The following NAT1 variants were observed in gnomAD, a reference collection of about 807,000 sequenced individuals.
NAT1 encodes N-acetyltransferase 1, also known as arylamine N-acetyltransferase 1.
For missense variants in NAT1, 400 were observed against 339.2 expected, an observed-to-expected ratio of 1.18 and a Z score of -1.41; for synonymous variants, 144 against 122.6, an observed-to-expected ratio of 1.17 and a Z score of -1.16.
Position 18,222,946 on chromosome 8 carries a change from A to G in NAT1, c.*26A>G. On this transcript the variant is annotated 3_prime_UTR_variant, in exon 3 of 3. Transcript: ENST00000307719. ...AATAAGGAGTAAAACAATCTTGTCT[A>G]TTTGTCATCCAGCTCACCAGTTATC... The G allele has an allele frequency of 6.6e-7, 1 of 1,512,750 alleles. No homozygotes were observed. The highest frequency in any genetic ancestry group is 8.8e-7 in the Non-Finnish European group (1 of 1,135,648). The allele number at this position is 1,512,750 out of a possible 1,614,324, so 93.7% of individuals were successfully genotyped here.
intron 2 of NAT1, among the ~76,000 whole-genome samples, chr8:18,184,866 A>G (rs1802670483): frequency 6.6e-6 from 1 of 152,018 alleles, no homozygotes; most frequent in Non-Finnish European, 1.5e-5. Flanking sequence ...GCGTGCACTC[A>G]TTTTTCTAAT....
upstream of NAT1, among the ~76,000 whole-genome samples, chr8:18,206,945 C>G (rs191212944): frequency 4.6e-5 from 7 of 152,110 alleles, no homozygotes; most frequent in East Asian, 1.4e-3. Flanking sequence ...AAATCTTTGC[C>G]CATGTCTATT....
intron 2 of NAT1, among the ~76,000 whole-genome samples, chr8:18,221,124 C>G (rs1486806638): frequency 1.3e-5 from 2 of 152,144 alleles, no homozygotes; most frequent in African/African-American, 4.8e-5. Flanking sequence ...TCTCAGTCCA[C>G]TCTCCTTCTT....
intron 2 of NAT1, among the ~76,000 whole-genome samples, chr8:18,192,421 A>G (rs1212760432): frequency 6.6e-6 from 1 of 152,216 alleles, no homozygotes; most frequent in Non-Finnish European, 1.5e-5. Context: ...CCATTGTGGA[A>G]GTCAGTGTGG....
At chr8:18,209,645 G>A (rs1413294902), upstream of NAT1, 2 of 152,216 alleles carry the variant, frequency 1.3e-5, no homozygotes, top group Admixed American at 6.5e-5. Flanking sequence ...CAGGTAGAGA[G>A]GCCAGTGGGA....
intron 2 of NAT1, among the ~76,000 whole-genome samples, chr8:18,192,414 T>C (rs2117261445): frequency 6.6e-6 from 1 of 152,326 alleles, no homozygotes; most frequent in Non-Finnish European, 1.5e-5. Context: ...AGTTCAACCA[T>C]TGTGGAAGTC....
chr8:18,214,440 C>T (rs1189040285), intron 1 of NAT1, among the ~76,000 whole-genome samples: 1 of 152,196 alleles, frequency 6.6e-6, no homozygotes, highest in Non-Finnish European at 1.5e-5. Flanking sequence ...TTTGAAGATA[C>T]ACTTCTATTA....
At chr8:18,218,661 C>T (rs1000873219) in intron 1 of NAT1, among the ~76,000 whole-genome samples, 7 of 152,128 alleles carry the variant, frequency 4.6e-5, no homozygotes, top group African/African-American at 1.4e-4. Context: ...TTTAACAGCT[C>T]ACTAGGAGTT....
chr8:18,190,643 AATAGC>A (rs1802944450), intron 2 of NAT1, among the ~76,000 whole-genome samples: 2 of 152,216 alleles, frequency 1.3e-5, no homozygotes, highest in South Asian at 4.1e-4. Flanking sequence ...CCACTGCTGA[AATAGC>A]ATGTGGAGCA....
upstream of NAT1, among the ~76,000 whole-genome samples, chr8:18,209,414 T>C (rs1803881728): frequency 1.3e-5 from 2 of 152,260 alleles, no homozygotes; most frequent in African/African-American, 4.8e-5. Flanking sequence ...ACAATGTATG[T>C]ATGTATAAGA....
chr8:18,208,869 C>A (rs570508060), upstream of NAT1, among the ~76,000 whole-genome samples: 5 of 152,366 alleles, frequency 3.3e-5, no homozygotes, highest in South Asian at 6.2e-4. Flanking sequence ...GTCCACTTCA[C>A]AACCACCTAA....
intron 2 of NAT1, among the ~76,000 whole-genome samples, chr8:18,204,302 A>G (rs1803614352): frequency 6.6e-6 from 1 of 152,188 alleles, no homozygotes; most frequent in Non-Finnish European, 1.5e-5. Flanking sequence ...GCCAGGGTAT[A>G]TACCCCAGAG....
intron 2 of NAT1, among the ~76,000 whole-genome samples, chr8:18,199,925 T>A (rs1803392952): frequency 6.6e-6 from 1 of 152,148 alleles, no homozygotes; most frequent in South Asian, 2.1e-4. Flanking sequence ...ATGCTCAACA[T>A]CACTAATCAG....
chr8:18,203,098 C>T (rs1803548225), intron 2 of NAT1, among the ~76,000 whole-genome samples: 1 of 152,166 alleles, frequency 6.6e-6, no homozygotes, highest in East Asian at 1.9e-4. Flanking sequence ...GTCCTCACTC[C>T]ACCCAGGATG....
chr8:18,185,146 G>T (rs1186356429), intron 2 of NAT1, among the ~76,000 whole-genome samples: 3 of 152,140 alleles, frequency 2.0e-5, no homozygotes, highest in Admixed American at 1.3e-4. Context: ...TCCGTATCAA[G>T]TTTGTGTACC....
At chr8:18,176,562 G>C (rs1322584109) in intron 2 of NAT1, among the ~76,000 whole-genome samples, 1 of 150,588 alleles carries the variant, frequency 6.6e-6, no homozygotes, top group Non-Finnish European at 1.5e-5. Flanking sequence ...ATTGGTTGAG[G>C]CGTCTGTTTT....
At chr8:18,198,580 G>A (rs1803331869) in intron 2 of NAT1, among the ~76,000 whole-genome samples, 1 of 152,206 alleles carries the variant, frequency 6.6e-6, no homozygotes, top group Admixed American at 6.5e-5. Flanking sequence ...TCATTGCAAA[G>A]TTTTAAACTG....
intron 1 of NAT1, among the ~76,000 whole-genome samples, chr8:18,210,895 C>T (rs1208886384): frequency 1.3e-5 from 2 of 152,200 alleles, no homozygotes; most frequent in East Asian, 1.9e-4. Flanking sequence ...CTGCCTCAGC[C>T]TCCTGAGTAG....
intron 2 of NAT1, among the ~76,000 whole-genome samples, chr8:18,188,566 A>G (rs1468780484): frequency 6.6e-6 from 1 of 152,102 alleles, no homozygotes; most frequent in Admixed American, 6.6e-5. Context: ...GTGGCATTTG[A>G]TTATACATAT....
Sources: gnomAD v4.1 joint callset for allele counts (sites outside exome capture counted in the v4.1 genomes callset) on GRCh38, gnomAD v4.1.1 for gene constraint, MANE v1.5 for transcripts, NCBI Gene and HGNC (gene_info 2026-07-23, HGNC 2026-07-21) for gene names.